Variants in L3MBTL3 observed in about 807,000 individuals in gnomAD.
L3MBTL3 encodes the protein L3MBTL histone methyl-lysine binding protein 3, also known as lethal(3)malignant brain tumor-like protein 3.
Under a neutral mutation model 102.3 loss-of-function variants are expected in L3MBTL3, and 27 were observed. The ratio of observed to expected loss-of-function variants is 0.26; its 90% CI spans 0.19 to 0.36. L3MBTL3 has a LOEUF of 0.36. L3MBTL3 is among the 10% of genes least tolerant of loss of function. L3MBTL3 has a pLI of 1.00. For missense variants in L3MBTL3, 798 were observed against 955.3 expected (o/e 0.84, Z 2.17); for synonymous variants, 340 against 320.9 (o/e 1.06, Z -0.64).
chr6:130,043,023 G>T (rs1250049133), intron 3 of L3MBTL3, among the ~76,000 whole-genome samples: 1 of 152,192 alleles, frequency 6.6e-6, no homozygotes, highest in African/African-American at 2.4e-5. Flanking sequence ...GAATGTTTCT[G>T]CAGTATGTGC....
chr6:130,068,920 A>G (rs187563158), intron 12 of L3MBTL3, among the ~76,000 whole-genome samples: 12 of 152,236 alleles, frequency 7.9e-5, no homozygotes, highest in Admixed American at 3.9e-4. Flanking sequence ...TTTCCATAAC[A>G]TGTTCCTCCA....
At chr6:130,058,912 A>G (rs1229124727) in intron 9 of L3MBTL3, among the ~76,000 whole-genome samples, 1 of 152,230 alleles carries the variant, frequency 6.6e-6, no homozygotes, top group East Asian at 1.9e-4. Context: ...GTGTGAACAT[A>G]GCAAGCTTTT....
In L3MBTL3 at chr6:130,104,543, T is replaced by C; in HGVS notation, c.1854T>C (p.Asp618=). 6.3e-7 allele frequency: 1 copy of C among 1,587,672 alleles called. No homozygotes were observed. The highest frequency in any genetic ancestry group is 8.6e-7 in the Non-Finnish European group (1 of 1,169,390). Residue 618 remains aspartate, a synonymous_variant, in exon 19 of 23, where the codon GAT becomes GAC. Transcript: ENST00000361794. ...CATTTCCAAGAAATAAAAGGACAGATGCAAATGAAAGCTCTTCTTCCCCTG... is the reference window on the plus strand; with the variant it reads ...CATTTCCAAGAAATAAAAGGACAGACGCAAATGAAAGCTCTTCTTCCCCTG... ...SPSFPRNKRT[D]ANESSSSPEI... is the part of the protein sequence containing the mutation.
chr6:130,053,647 C>A (rs4425613), intron 7 of L3MBTL3, among the ~76,000 whole-genome samples: 66,597 of 143,372 alleles, frequency 0.46, 18,016 homozygotes, highest in East Asian at 0.75. Flanking sequence ...AAAAAAAAAA[C>A]AAAAAAAACT....
intron 8 of L3MBTL3, 90 bp downstream of exon 8, chr6:130,055,345 T>C: frequency 1.1e-6 from 1 of 886,578 alleles, no homozygotes; most frequent in Non-Finnish European, 1.8e-6. Context: ...CCACTTAAAG[T>C]ATTACTTCAG....
intron 2 of L3MBTL3, among the ~76,000 whole-genome samples, chr6:130,026,534 C>T (rs1364519501): frequency 1.3e-5 from 2 of 151,564 alleles, no homozygotes; most frequent in East Asian, 3.8e-4. Flanking sequence ...CAATAATGAA[C>T]AGGTATAAGA....
At chr6:130,112,414 A>G (rs1785410465) in intron 19 of L3MBTL3, among the ~76,000 whole-genome samples, 1 of 152,202 alleles carries the variant, frequency 6.6e-6, no homozygotes, top group African/African-American at 2.4e-5. Flanking sequence ...CTGTGAGATC[A>G]CCATTCCAGA....
In L3MBTL3 at chr6:130,019,119, G is replaced by C. The variant is rs1227439577; in HGVS notation, c.-95+455G>C. Among the ~76,000 whole-genome samples, 14 of 151,614 alleles carry C rather than the reference G, an allele frequency of 9.2e-5. No individual in the cohort carries two copies. The South Asian group carries it at 2.7e-3, about 29-fold the overall frequency. The stretch of plus-strand genomic sequence containing the variant: ...GCGGCCGCGTTGGGCTCAGGCTGGC[G>C]CGCAGGCGGCGGGATGCGTGTGGCC... On this transcript the variant is annotated intron_variant, in intron 1 of 22. Transcript: ENST00000361794.
At chr6:130,073,925 T>G (rs1782787844) in intron 13 of L3MBTL3, among the ~76,000 whole-genome samples, 1 of 152,202 alleles carries the variant, frequency 6.6e-6, no homozygotes, top group African/African-American at 2.4e-5. Context: ...TTTTTGTTAA[T>G]TCTCTGAAAA....
chr6:130,095,854 A>C lies in L3MBTL3; in HGVS notation c.1736+1487A>C, dbSNP rs138447314. 7.2e-5 allele frequency among the ~76,000 whole-genome samples: 11 copies of C among 152,224 alleles called. No individual in the cohort carries two copies. The East Asian group carries it at 2.1e-3, about 29-fold the overall frequency. On this transcript the variant is annotated intron_variant, in intron 18 of 22. Transcript: ENST00000361794. Reference sequence around the variant, plus strand: ...TGATAACAAACCCACTTCTGCGATAATGTCATTAATCCATCCAGGAGGGCA... The same window carrying C: ...TGATAACAAACCCACTTCTGCGATACTGTCATTAATCCATCCAGGAGGGCA...
At chr6:130,055,341 A>G in intron 8 of L3MBTL3, 86 bp downstream of exon 8, 3 of 910,966 alleles carry the variant, frequency 3.3e-6, no homozygotes, top group Admixed American at 2.5e-5. Context: ...CATGCCACTT[A>G]AAGTATTACT....
chr6:130,094,085 T>C (rs965225610), intron 17 of L3MBTL3, among the ~76,000 whole-genome samples, 180 bp from the exon 18 acceptor site: 11 of 152,218 alleles, frequency 7.2e-5, no homozygotes, highest in Non-Finnish European at 1.0e-4. Context: ...CCTTTAAACG[T>C]AGCGTCTTTT....
At chr6:130,046,044 C>T (rs1194658258) in intron 3 of L3MBTL3, among the ~76,000 whole-genome samples, 2 of 152,178 alleles carry the variant, frequency 1.3e-5, no homozygotes, top group African/African-American at 4.8e-5. Context: ...GACTAAGTGG[C>T]AGTGCAGAGG....
At chr6:130,088,772 T>A (rs1028032018) in intron 16 of L3MBTL3, among the ~76,000 whole-genome samples, 18 of 152,212 alleles carry the variant, frequency 1.2e-4, no homozygotes, top group Non-Finnish European at 1.8e-4. Flanking sequence ...TATATTCTAC[T>A]CTTTCTCAGT....
rs1782605090 is a variant in L3MBTL3 at position 130,071,006 on chromosome 6, A to G, written c.1123A>G (p.Met375Val). 4 of 1,613,272 alleles carry G rather than the reference A, an allele frequency of 2.5e-6. No individual in the cohort carries two copies. Among genetic ancestry groups the G allele is most frequent in the Admixed American group, 1.7e-5 (1 of 59,948 alleles). ...GATCCCATCGGGCTTTCGAGTTGGTATGAAGCTTGAGGCAGTAGACAAAAA... is the reference window on the plus strand; with the variant it reads ...GATCCCATCGGGCTTTCGAGTTGGTGTGAAGCTTGAGGCAGTAGACAAAAA... ...TVIPSGFRVGMKLEAVDKKNP... is the reference protein window; with the variant it reads ...TVIPSGFRVGVKLEAVDKKNP... Residue 375 changes from methionine to valine, a missense_variant, in exon 13 of 23, where the codon ATG becomes GTG. By Grantham distance (21) the Met-to-Val change is conservative. Around this residue, in one of 4 missense-constraint regions of L3MBTL3, gnomAD observed 434 missense variants for 506.6 expected, o/e 0.86. Transcript: ENST00000361794.
intron 2 of L3MBTL3, among the ~76,000 whole-genome samples, chr6:130,035,436 A>G (rs1779997980): frequency 1.3e-5 from 2 of 152,142 alleles, no homozygotes; most frequent in African/African-American, 4.8e-5. Flanking sequence ...TAGGAGAGAG[A>G]TAGGAGGTAA....
At chr6:130,024,742 T>A (rs901808087) in intron 2 of L3MBTL3, among the ~76,000 whole-genome samples, 1 of 152,162 alleles carries the variant, frequency 6.6e-6, no homozygotes, top group Non-Finnish European at 1.5e-5. Flanking sequence ...TCTTATGGTG[T>A]TGAACACTTA....
intron 16 of L3MBTL3, among the ~76,000 whole-genome samples, chr6:130,090,198 A>G (rs1051445422): frequency 6.1e-5 from 5 of 81,556 alleles, no homozygotes; most frequent in African/African-American, 1.9e-4. Context: ...TTTTAAGCAC[A>G]TATATATATA....
chr6:130,061,175 C>G (rs1040346441), intron 10 of L3MBTL3, among the ~76,000 whole-genome samples: 5 of 151,484 alleles, frequency 3.3e-5, no homozygotes, highest in Admixed American at 3.3e-4. Flanking sequence ...ACCTCCACCT[C>G]CCAGGTTCAA....
Sources: gnomAD v4.1 joint callset for allele counts (sites outside exome capture counted in the v4.1 genomes callset) on GRCh38, gnomAD v4.1.1 for gene constraint, gnomAD v4.1.1 regional missense constraint, MANE v1.5 for transcripts, NCBI Gene and HGNC (gene_info 2026-07-23, HGNC 2026-07-21) for gene names.